The following DISC1 variants were observed in gnomAD, a reference collection of about 807,000 sequenced individuals.
DISC1 encodes DISC1 scaffold protein, also known as disrupted in schizophrenia 1 protein.
DISC1 carries 57 observed loss-of-function variants against 84.5 expected under a neutral mutation model. The observed-to-expected ratio is 0.67, with a 90% CI of 0.55 to 0.84. DISC1 has a LOEUF of 0.84. Among genes scored for constraint, DISC1 ranks in the 40% least tolerant of loss-of-function variants. DISC1 has a pLI of 0.00. For missense variants in DISC1, 1,000 were observed against 1,057.8 expected, an observed-to-expected ratio of 0.95 and a Z score of 0.76; for synonymous variants, 411 against 415.2, an observed-to-expected ratio of 0.99 and a Z score of 0.12.
chr1:232,001,679 T>G (rs767613612), intron 10 of DISC1, among the ~76,000 whole-genome samples: 33 of 152,062 alleles, frequency 2.2e-4, no homozygotes, highest in Non-Finnish European at 3.8e-4. Context: ...CTATTGAACA[T>G]TCATAGGGAA....
chr1:231,660,251 T>C (rs2061464575), intron 1 of DISC1, among the ~76,000 whole-genome samples: 1 of 152,210 alleles, frequency 6.6e-6, no homozygotes, highest in Admixed American at 6.5e-5. Flanking sequence ...TTTTGATCTT[T>C]GTTGGCTTAA....
rs199590619 is a variant in DISC1, at chr1:231,867,612, T to TA, written c.1981+49104dup. On this transcript the variant is annotated intron_variant, in intron 9 of 12. Transcript: ENST00000439617. ...ACAGGAGGAATTCATTTTCAAGCTT[T>TA]AAAAAAAAAGATGAGTCTTGGGCAC... 2.7e-3 allele frequency among the ~76,000 whole-genome samples: 415 copies of TA among 151,416 alleles called. 3 individuals are homozygous for TA. The highest frequency in any genetic ancestry group is 9.4e-3 in the African/African-American group (389 of 41,334).
Position 231,734,668 on chromosome 1 carries a change from A to G in DISC1, c.1118-15258A>G, listed in dbSNP as rs190684564. On this transcript the variant is annotated intron_variant, in intron 3 of 12. Transcript: ENST00000439617. Reference sequence around the variant, plus strand: ...GGGGAAGAACACTTGCTTCAGAACCACATATCCCACTGAAATGTGTCAGCA... The same window carrying G: ...GGGGAAGAACACTTGCTTCAGAACCGCATATCCCACTGAAATGTGTCAGCA... Among the ~76,000 whole-genome samples the G allele has an allele frequency of 1.2e-4, 18 of 152,360 alleles. No individual in the cohort carries two copies. In the East Asian group the frequency reaches 3.5e-3, roughly 29 times the overall value.
intron 1 of DISC1, among the ~76,000 whole-genome samples, chr1:231,677,707 G>T (rs1409367983): frequency 6.6e-6 from 1 of 152,204 alleles, no homozygotes; most frequent in Admixed American, 6.5e-5. Flanking sequence ...TGCCAGGTGC[G>T]GTGGCTCACG....
chr1:231,998,990 C>A (rs888092961), intron 10 of DISC1, among the ~76,000 whole-genome samples: 15 of 151,898 alleles, frequency 9.9e-5, no homozygotes, highest in African/African-American at 3.1e-4. Flanking sequence ...AATTGAAAAG[C>A]TCAGCAAATT....
rs560746084 is a variant in DISC1, at chr1:231,698,960, C to A, written c.1048-2995C>A. ...AACGAGTACAATGCCTTATCCTAGGCTTTGGAGATTGTATTAGGACAGGCT... is the reference window on the plus strand; with the variant it reads ...AACGAGTACAATGCCTTATCCTAGGATTTGGAGATTGTATTAGGACAGGCT... On this transcript the variant is annotated intron_variant, in intron 2 of 12. Coordinates refer to ENST00000439617, the MANE Select transcript of DISC1 (RefSeq NM_018662.3). This position sits in a 1 kb window ranked among gnomAD's most constrained non-coding sequence, Gnocchi z 4.9. Among the ~76,000 whole-genome samples the A allele has an allele frequency of 6.6e-6, 1 of 152,262 alleles. No individual in the cohort carries two copies. Among genetic ancestry groups the A allele is most frequent in the Non-Finnish European group, 1.5e-5 (1 of 68,026 alleles).
chr1:231,750,142 T>G, intron 4 of DISC1, 66 bp downstream of exon 4: 1 of 1,569,510 alleles, frequency 6.4e-7, no homozygotes, highest in South Asian at 1.2e-5. Flanking sequence ...TCCCACATAG[T>G]GAAGAGCTGG....
At chr1:231,931,148 T>A (rs973776885) in intron 9 of DISC1, among the ~76,000 whole-genome samples, 6 of 152,010 alleles carry the variant, frequency 3.9e-5, no homozygotes, top group African/African-American at 1.5e-4. Context: ...GAGATGGAGG[T>A]AGTTCTTAGT....
chr1:232,009,225 G>A lies in DISC1; in HGVS notation c.2307+176G>A. ...AAAATAAAGTAGAATTTTTGTAGAA[G>A]TTTGAAATATAGAAGAGCAAAAAAA... On this transcript the variant is annotated intron_variant, in intron 11 of 12. Transcript: ENST00000439617. This position sits in a 1 kb window ranked among gnomAD's most constrained non-coding sequence, Gnocchi z 4.6. 1 of 1,413,558 alleles carries A rather than the reference G, an allele frequency of 7.1e-7. No individual in the cohort carries two copies. The highest frequency in any genetic ancestry group is 9.2e-7 in the Non-Finnish European group (1 of 1,087,014). 87.6% of individuals were successfully genotyped at this position (1,413,558 alleles called of 1,614,324 possible).
chr1:231,864,604 A>G (rs2084923907), intron 9 of DISC1, among the ~76,000 whole-genome samples: 1 of 152,206 alleles, frequency 6.6e-6, no homozygotes, highest in Non-Finnish European at 1.5e-5. Flanking sequence ...CAGAGCTTGC[A>G]GTGAGCCAAG....
rs1424179230 is a variant in DISC1 at position 231,828,101 on chromosome 1, C to G, written c.1981+9584C>G. 2.6e-5 allele frequency among the ~76,000 whole-genome samples: 4 copies of G among 151,886 alleles called. No homozygotes were observed. The East Asian group carries it at 5.8e-4, about 22-fold the overall frequency. ...GATGTTTAATTTTTGGTGTATTAAC[C>G]CATTATGAATATCTCTCTTTTCCTA... is the stretch of plus-strand genomic sequence containing the variant. On this transcript the variant is annotated intron_variant, in intron 9 of 12. Coordinates refer to ENST00000439617, the MANE Select transcript of DISC1 (RefSeq NM_018662.3).
chr1:231,923,422 C>A (rs941285898), intron 9 of DISC1, among the ~76,000 whole-genome samples: 4 of 152,212 alleles, frequency 2.6e-5, no homozygotes, highest in African/African-American at 9.7e-5. Flanking sequence ...AGTGCCCTCC[C>A]TTCCAGCTTA....
chr1:231,835,218 T>C (rs12725776), intron 9 of DISC1, among the ~76,000 whole-genome samples: 47,872 of 152,080 alleles, frequency 0.31, 7,635 homozygotes, highest in East Asian at 0.39. Context: ...TCCCCCGATC[T>C]GAGTCACGGC....
At chr1:231,939,855 G>A (rs1047422330) in intron 9 of DISC1, among the ~76,000 whole-genome samples, 8 of 151,930 alleles carry the variant, frequency 5.3e-5, no homozygotes, top group Non-Finnish European at 8.8e-5. Flanking sequence ...CAATTCTCCT[G>A]CCTCAGCCTC....
chr1:231,861,743 A>G (rs1471975876), intron 9 of DISC1, among the ~76,000 whole-genome samples: 1 of 151,986 alleles, frequency 6.6e-6, no homozygotes, highest in Non-Finnish European at 1.5e-5. Context: ...TTCCATTTTC[A>G]TCTCTTAGTA....
intron 9 of DISC1, among the ~76,000 whole-genome samples, chr1:231,900,707 G>A (rs1277985312): frequency 2.0e-5 from 3 of 152,146 alleles, no homozygotes; most frequent in Non-Finnish European, 4.4e-5. Context: ...GATGCATTTT[G>A]TTCATTTTTA....
intron 3 of DISC1, among the ~76,000 whole-genome samples, chr1:231,749,315 A>G (rs75975543): frequency 0.026 from 3,923 of 152,260 alleles, 61 homozygotes; most frequent in Middle Eastern, 0.048. Context: ...TCTGGAGTTT[A>G]TTTTTATTTT....
At chr1:231,724,149 C>A in intron 3 of DISC1, 1 of 540,092 alleles carries the variant, frequency 1.9e-6, no homozygotes, top group Non-Finnish European at 2.4e-6. Context: ...TTTGGCTTTG[C>A]ATGCTCAATT....
intron 9 of DISC1, among the ~76,000 whole-genome samples, chr1:231,930,316 C>T (rs539834114): frequency 8.5e-5 from 13 of 152,102 alleles, no homozygotes; most frequent in Non-Finnish European, 1.5e-4. Context: ...GTGGGAGGGT[C>T]GATGGGCTTC....
Sources: gnomAD v4.1 joint callset for allele counts (sites outside exome capture counted in the v4.1 genomes callset) on GRCh38, gnomAD v4.1.1 for gene constraint, Gnocchi (gnomAD v3.1) non-coding constraint, MANE v1.5 for transcripts, NCBI Gene and HGNC (gene_info 2026-07-23, HGNC 2026-07-21) for gene names.